The following UNC5A variants were observed in gnomAD, a reference collection of about 807,000 sequenced individuals.
UNC5A encodes the protein netrin receptor UNC5A.
In UNC5A, 20 loss-of-function variants were observed where a neutral mutation model predicts 87.4. That is an observed-to-expected ratio of 0.23 (90% CI 0.16 to 0.33). The LOEUF (loss-of-function observed/expected upper bound fraction) is 0.33. UNC5A is among the 10% of genes least tolerant of loss of function. UNC5A has a pLI of 1.00. For missense variants in UNC5A, 844 were observed against 1,133.4 expected (o/e 0.74, Z 3.67); for synonymous variants, 438 against 482.3 (o/e 0.91, Z 1.20).
intron 1 of UNC5A, among the ~76,000 whole-genome samples, chr5:176,814,933 C>G (rs1404497099): frequency 6.6e-6 from 1 of 152,198 alleles, no homozygotes; most frequent in Middle Eastern, 3.2e-3. Flanking sequence ...ACACGGACTG[C>G]CATGCTCCAG....
chr5:176,876,458 G>T (rs996162744), intron 8 of UNC5A, among the ~76,000 whole-genome samples: 22 of 152,174 alleles, frequency 1.4e-4, no homozygotes, highest in South Asian at 8.3e-4. Context: ...CTGTCTGGGG[G>T]AGTCCCTGCT....
chr5:176,837,207 G>A (rs1333488169), intron 1 of UNC5A, among the ~76,000 whole-genome samples: 1 of 152,010 alleles, frequency 6.6e-6, no homozygotes, highest in African/African-American at 2.4e-5. Context: ...CTCTCACAGT[G>A]CCAACTTCTG....
rs1358669067 is a variant in UNC5A, at chr5:176,879,870, C to T, written c.2513C>T (p.Ser838Leu). The change falls in exon 15 of 15, where the codon TCG becomes TTG. Residue 838 changes from serine to leucine, a missense_variant. Ser to Leu is a moderately radical substitution (Grantham distance 145). Around this residue, in one of 3 missense-constraint regions of UNC5A, gnomAD observed 177 missense variants for 279.4 expected, o/e 0.63. Transcript: ENST00000329542. ...CCAGACGCTGGCCTCTTCACAGTGT[C>T]GGAGGCTGAGTGCTGAGGCCGGCCA... ...GQPDAGLFTV[S>L]EAEC 6 of 1,611,736 alleles carry T rather than the reference C, an allele frequency of 3.7e-6. No individual in the cohort carries two copies. The highest frequency in any genetic ancestry group is 3.4e-6 in the Non-Finnish European group (4 of 1,179,636).
rs967395076 is a variant in UNC5A, at chr5:176,878,669, GA to G, written c.2184+31del. 7 of 1,593,782 alleles carry G rather than the reference GA, an allele frequency of 4.4e-6. No homozygotes were observed. The African/African-American group carries it at 8.0e-5, about 18-fold the overall frequency. On this transcript the variant is annotated intron_variant, in intron 13 of 14. Transcript: ENST00000329542. ...ACGGGAGGGGCTGCCGCACCGCCGT[GA>G]CGTGCTCCCACTACCAACTCCCCAC...
At chr5:176,813,569 G>A (rs1756520236) in intron 1 of UNC5A, among the ~76,000 whole-genome samples, 1 of 152,190 alleles carries the variant, frequency 6.6e-6, no homozygotes, top group Non-Finnish European at 1.5e-5. Flanking sequence ...TCCTCTTGCT[G>A]CCTGCCTGCT....
chr5:176,810,912 G>A lies in UNC5A; in HGVS notation c.70+92G>A. 1.8e-6 allele frequency: 2 copies of A among 1,120,574 alleles called. No individual in the cohort carries two copies. The highest frequency in any genetic ancestry group is 2.2e-6 in the Non-Finnish European group (2 of 907,084). The allele number at this position is 1,120,574 out of a possible 1,614,324, so 69.4% of individuals were successfully genotyped here. On this transcript the variant is annotated intron_variant, in intron 1 of 14. Coordinates refer to ENST00000329542, the MANE Select transcript of UNC5A (RefSeq NM_133369.3). The surrounding 1 kb of genome is among the most constrained non-coding windows in gnomAD (Gnocchi z 7.3). Reference sequence around the variant, plus strand: ...TGGGGGTCCCTGACCAGCGCTGCCAGACCCGGCTGGGAGCCCCCCGAGGCC... The same window carrying A: ...TGGGGGTCCCTGACCAGCGCTGCCAAACCCGGCTGGGAGCCCCCCGAGGCC...
Position 176,874,129 on chromosome 5 carries a change from C to G in UNC5A, c.1048C>G (p.Pro350Ala). The stretch of plus-strand genomic sequence containing the variant: ...GTCCATTCTCACCTCAGGCTTCCAG[C>G]CCGTCAGCATCAAGCCCAGCAAAGC... ...DSSILTSGFQ[P>A]VSIKPSKADN... is the part of the protein sequence containing the mutation. The change falls in exon 7 of 15, where the codon CCC becomes GCC. Residue 350 changes from proline (P) to alanine (A), a missense_variant. Pro to Ala is a conservative substitution (Grantham distance 27). Transcript: ENST00000329542. The surrounding 1 kb of genome is among the most constrained non-coding windows in gnomAD (Gnocchi z 7.6). 6.2e-7 allele frequency: 1 copy of G among 1,613,958 alleles called. No individual in the cohort carries two copies. The highest frequency in any genetic ancestry group is 2.2e-5 in the East Asian group (1 of 44,886).
intron 1 of UNC5A, among the ~76,000 whole-genome samples, chr5:176,817,626 C>A (rs917887915): frequency 6.6e-6 from 1 of 151,930 alleles, no homozygotes; most frequent in Non-Finnish European, 1.5e-5. Flanking sequence ...GGTAGCAGCC[C>A]CTCCTCAGCG....
chr5:176,812,884 G>T (rs1374438497), intron 1 of UNC5A, among the ~76,000 whole-genome samples: 6 of 152,164 alleles, frequency 3.9e-5, no homozygotes, highest in African/African-American at 1.4e-4. Context: ...GGACGCCCAG[G>T]CAGGCTGGCC....
intron 1 of UNC5A, among the ~76,000 whole-genome samples, chr5:176,812,765 G>A (rs692653): frequency 0.24 from 36,345 of 152,086 alleles, 5,386 homozygotes; most frequent in Non-Finnish European, 0.32. Context: ...CATCAACTCT[G>A]CCCCTGGGCC....
At chr5:176,870,209 A>G (rs1373578756) in intron 5 of UNC5A, among the ~76,000 whole-genome samples, 161 bp from the exon 6 acceptor site, 5 of 152,182 alleles carry the variant, frequency 3.3e-5, no homozygotes, top group African/African-American at 9.7e-5. Context: ...CCAGCTGGAC[A>G]CTAGAGGGCG....
rs1191169165 is a variant in UNC5A, at chr5:176,841,358, A to G, written c.71-21266A>G. Among the ~76,000 whole-genome samples, 1 of 152,090 alleles carries G rather than the reference A, an allele frequency of 6.6e-6. No individual in the cohort carries two copies. The highest frequency in any genetic ancestry group is 1.5e-5 in the Non-Finnish European group (1 of 68,014). Reference sequence around the variant, plus strand: ...CTTCCAGATCAGAGCTGTGCCCACCACCCCAGAGCTGCACCCAGGGCTGAG... The same window carrying G: ...CTTCCAGATCAGAGCTGTGCCCACCGCCCCAGAGCTGCACCCAGGGCTGAG... On this transcript the variant is annotated intron_variant, in intron 1 of 14. Transcript: ENST00000329542. The surrounding 1 kb of genome is among the most constrained non-coding windows in gnomAD (Gnocchi z 4.1).
intron 3 of UNC5A, 110 bp downstream of exon 3, chr5:176,868,383 C>T (rs1473641591): frequency 6.5e-7 from 1 of 1,543,180 alleles, no homozygotes; most frequent in Admixed American, 1.9e-5. Context: ...ACCTCACAGC[C>T]CTGCCTGGAT....
chr5:176,859,095 G>A (rs569089242), intron 1 of UNC5A, among the ~76,000 whole-genome samples: 7 of 143,606 alleles, frequency 4.9e-5, no homozygotes, highest in African/African-American at 2.0e-4. Context: ...GGGCATAGCT[G>A]CTAGAATGTC....
rs546411339 is a variant in UNC5A at position 176,819,877 on chromosome 5, A to C, written c.70+9057A>C. Among the ~76,000 whole-genome samples the C allele has an allele frequency of 5.9e-5, 9 of 152,358 alleles. 1 individual carries two copies. The South Asian group carries it at 1.9e-3, about 32-fold the overall frequency. ...CATCAGCACATTTTGCCAGGTATTA[A>C]ATAAGCATGCTGAATAGCACCAGGC... On this transcript the variant is annotated intron_variant, in intron 1 of 14. Coordinates refer to ENST00000329542, the MANE Select transcript of UNC5A (RefSeq NM_133369.3).
chr5:176,879,879 A>G lies in UNC5A; in HGVS notation c.2522A>G (p.Glu841Gly), dbSNP rs2149371749. 6.3e-7 allele frequency: 1 copy of G among 1,580,604 alleles called. No homozygotes were observed. The change falls in exon 15 of 15, where the codon GAG becomes GGG. Residue 841 changes from glutamate (E) to glycine (G), a missense_variant. Around this residue, in one of 3 missense-constraint regions of UNC5A, gnomAD observed 177 missense variants for 279.4 expected, o/e 0.63. Transcript: ENST00000329542. ...GGCCTCTTCACAGTGTCGGAGGCTG[A>G]GTGCTGAGGCCGGCCAGGCCCGACA... The part of the protein sequence containing the change: ...DAGLFTVSEA[E>G]C
chr5:176,814,640 A>G (rs1276285707), intron 1 of UNC5A, among the ~76,000 whole-genome samples: 1 of 152,126 alleles, frequency 6.6e-6, no homozygotes. Context: ...CTAAAGAAAG[A>G]CTGAGGTATT....
chr5:176,834,607 T>C (rs770525402), intron 1 of UNC5A, among the ~76,000 whole-genome samples: 2 of 151,000 alleles, frequency 1.3e-5, no homozygotes, highest in Non-Finnish European at 2.9e-5. Flanking sequence ...CATATTTACC[T>C]AGTGGCACAA....
chr5:176,867,062 G>GCGGC (rs891387484), intron 2 of UNC5A, among the ~76,000 whole-genome samples: 3 of 152,254 alleles, frequency 2.0e-5, no homozygotes, highest in East Asian at 1.9e-4. Flanking sequence ...GCTCAGCTGG[G>GCGGC]CGGCCGCTCT....
Sources: gnomAD v4.1 joint callset for allele counts (sites outside exome capture counted in the v4.1 genomes callset) on GRCh38, gnomAD v4.1.1 for gene constraint, gnomAD v4.1.1 regional missense constraint, Gnocchi (gnomAD v3.1) non-coding constraint, MANE v1.5 for transcripts, NCBI Gene and HGNC (gene_info 2026-07-23, HGNC 2026-07-21) for gene names.